The following INPP5A variants were observed in gnomAD, a reference collection of about 807,000 sequenced individuals.
INPP5A encodes the protein 43 kDa inositol polyphosphate 5-phophatase.
A neutral mutation model predicts 65.2 loss-of-function variants in INPP5A; 14 were observed. The observed-to-expected ratio is 0.21, with a 90% CI of 0.14 to 0.34. The LOEUF (loss-of-function observed/expected upper bound fraction) is 0.34. INPP5A is among the 10% of genes least tolerant of loss of function. INPP5A has a pLI of 1.00. For synonymous variants in INPP5A, 207 were observed against 208.3 expected (o/e 0.99, Z 0.05); for missense variants, 431 against 545.6 (o/e 0.79, Z 2.09).
At position 132,737,190 on chromosome 10, in the gene INPP5A, A is replaced by G. The variant is rs185227178; in HGVS notation, c.732+10285A>G. ...CACCATTCAGGATTTGGCCCATCCC[A>G]CAGCCATGAGCGGACTCGATGTGGC... On this transcript the variant is annotated intron_variant, in intron 9 of 15. Transcript: ENST00000368594. 2.1e-3 allele frequency among the ~76,000 whole-genome samples: 321 copies of G among 152,296 alleles called. 3 individuals carry two copies. The highest frequency in any genetic ancestry group is 6.3e-3 in the African/African-American group (263 of 41,566).
At chr10:132,628,456 C>G (rs1590878336) in intron 2 of INPP5A, among the ~76,000 whole-genome samples, 1 of 34,574 alleles carries the variant, frequency 2.9e-5, no homozygotes, top group East Asian at 1.9e-3. Flanking sequence ...CAGATGTGCT[C>G]TGGTGGCGGG....
chr10:132,777,471 G>T (rs1307747449), intron 12 of INPP5A, among the ~76,000 whole-genome samples, 200 bp from the exon 13 acceptor site: 1 of 152,224 alleles, frequency 6.6e-6, no homozygotes, highest in African/African-American at 2.4e-5. Flanking sequence ...CTAAAATTTA[G>T]TCTCACATAA....
chr10:132,592,655 C>T (rs2071633076), intron 1 of INPP5A, among the ~76,000 whole-genome samples: 1 of 152,252 alleles, frequency 6.6e-6, no homozygotes, highest in Non-Finnish European at 1.5e-5. Context: ...GATCCGCCCG[C>T]CTTGGCTTCC....
chr10:132,714,826 A>G (rs936043720), intron 8 of INPP5A, among the ~76,000 whole-genome samples: 6 of 150,454 alleles, frequency 4.0e-5, no homozygotes, highest in Non-Finnish European at 5.9e-5. Context: ...ACAGGGCTCC[A>G]CTGGACTTCT....
chr10:132,713,619 GAGCCCTGGTCCCCTGCCACT>G (rs1021163261), intron 8 of INPP5A, among the ~76,000 whole-genome samples: 5 of 152,144 alleles, frequency 3.3e-5, no homozygotes, highest in Non-Finnish European at 7.4e-5. Flanking sequence ...CAGAGTGATG[GAGCCCTGGTCCCCTGCCACT>G]AGCCTGGTCC....
intron 1 of INPP5A, among the ~76,000 whole-genome samples, chr10:132,554,370 G>A (rs1304329847): frequency 1.3e-5 from 2 of 152,190 alleles, no homozygotes; most frequent in East Asian, 1.9e-4. Context: ...CCACAGTGCA[G>A]GTGGACACCG....
chr10:132,544,801 A>C (rs979293143), intron 1 of INPP5A, among the ~76,000 whole-genome samples: 11 of 151,892 alleles, frequency 7.2e-5, no homozygotes, highest in Non-Finnish European at 1.5e-4. Flanking sequence ...ATTGTTACTG[A>C]TTCAGCCTTT....
intron 11 of INPP5A, among the ~76,000 whole-genome samples, chr10:132,764,608 G>A (rs1482569698): frequency 6.8e-6 from 1 of 147,834 alleles, no homozygotes; most frequent in African/African-American, 2.5e-5. Flanking sequence ...GTGGGAGGGT[G>A]TGCGTGGTTA....
chr10:132,700,910 G>A (rs892136360), intron 6 of INPP5A, among the ~76,000 whole-genome samples: 2 of 152,208 alleles, frequency 1.3e-5, no homozygotes, highest in Admixed American at 1.3e-4. Context: ...CCACACTCCA[G>A]ATAATGTGAG....
At chr10:132,709,883 G>A (rs1256155474) in intron 7 of INPP5A, among the ~76,000 whole-genome samples, 5 of 152,318 alleles carry the variant, frequency 3.3e-5, no homozygotes, top group East Asian at 3.9e-4. Flanking sequence ...GCCGGCCCAC[G>A]GGGCTTCCCA....
Position 132,645,776 on chromosome 10 carries a change from T to C in INPP5A, c.118-92T>C. On this transcript the variant is annotated intron_variant, in intron 2 of 15. Coordinates refer to ENST00000368594, the MANE Select transcript of INPP5A (RefSeq NM_005539.5). ...CCCGTCTCTGCCAGACCCTGGTGGC[T>C]CCCAGGCTGTGGGGGCGGTGGAGGG... 4 of 969,170 alleles carry C rather than the reference T, an allele frequency of 4.1e-6. No homozygotes were observed. In the South Asian group the frequency reaches 4.4e-5, roughly 11 times the overall value. 60.0% of individuals were successfully genotyped at this position (969,170 alleles called of 1,614,324 possible). A position where few individuals can be genotyped will look rare whatever the true frequency, so the allele number is the denominator to read the frequency against.
intron 2 of INPP5A, among the ~76,000 whole-genome samples, chr10:132,634,367 C>A (rs2072313672): frequency 6.8e-6 from 1 of 147,338 alleles, no homozygotes; most frequent in Admixed American, 6.8e-5. Flanking sequence ...GTATCATCTC[C>A]CTTGGTGGGT....
intron 1 of INPP5A, among the ~76,000 whole-genome samples, chr10:132,595,935 A>G (rs1443976905): frequency 1.3e-5 from 2 of 151,056 alleles, no homozygotes; most frequent in Non-Finnish European, 2.9e-5. Flanking sequence ...TAGTTTTTGT[A>G]TTGTTCTTTG....
intron 2 of INPP5A, among the ~76,000 whole-genome samples, chr10:132,639,818 G>C (rs1481657979): frequency 6.6e-6 from 1 of 152,136 alleles, no homozygotes; most frequent in Non-Finnish European, 1.5e-5. Context: ...CTTATTTTCA[G>C]ATTTGCCAGC....
intron 7 of INPP5A, among the ~76,000 whole-genome samples, chr10:132,708,790 C>T (rs1845584106): frequency 6.6e-6 from 1 of 152,188 alleles, no homozygotes; most frequent in Non-Finnish European, 1.5e-5. Flanking sequence ...GCGTCTCATC[C>T]ACATATCCTC....
chr10:132,729,132 G>A (rs1846038410), intron 9 of INPP5A, among the ~76,000 whole-genome samples: 3 of 152,178 alleles, frequency 2.0e-5, no homozygotes, highest in Admixed American at 6.5e-5. Flanking sequence ...CTCCTATGAA[G>A]GACTGCAAGG....
At chr10:132,613,412 G>A (rs571661196) in intron 2 of INPP5A, among the ~76,000 whole-genome samples, 1 of 152,346 alleles carries the variant, frequency 6.6e-6, no homozygotes, top group African/African-American at 2.4e-5. Flanking sequence ...GTGGACAGCA[G>A]CACCTGGCGT....
chr10:132,551,133 T>G lies in INPP5A; in HGVS notation c.75+12962T>G, dbSNP rs1019290162. ...CCAGAGTGCGAGCCTGGTGGGCAGC[T>G]GTGGAGCCTTATCCCTGAGCACCCT... On this transcript the variant is annotated intron_variant, in intron 1 of 15. Transcript: ENST00000368594. This position sits in a 1 kb window ranked among gnomAD's most constrained non-coding sequence, Gnocchi z 5.3. 1.3e-5 allele frequency among the ~76,000 whole-genome samples: 2 copies of G among 152,344 alleles called. No individual in the cohort carries two copies. Among genetic ancestry groups the G allele is most frequent in the South Asian group, 4.1e-4 (2 of 4,828 alleles).
At chr10:132,718,693 G>T (rs1845794817) in intron 8 of INPP5A, among the ~76,000 whole-genome samples, 1 of 148,798 alleles carries the variant, frequency 6.7e-6, no homozygotes, top group African/African-American at 2.5e-5. Context: ...GGTTCTGTCT[G>T]AGCGCCTTAG....
Sources: allele counts gnomAD v4.1 joint callset (sites outside exome capture counted in the v4.1 genomes callset), GRCh38; gene constraint gnomAD v4.1.1; non-coding constraint Gnocchi (gnomAD v3.1); transcripts MANE v1.5; gene names NCBI Gene and HGNC (gene_info 2026-07-23, HGNC 2026-07-21).